The following RAB37 variants were observed in gnomAD, a reference collection of about 807,000 sequenced individuals.
RAB37 encodes RAB37, member RAS oncogene family.
In RAB37, 29 loss-of-function variants were observed where a neutral mutation model predicts 33.1. That is an observed-to-expected ratio of 0.88 (90% CI 0.65 to 1.20). The LOEUF is 1.20. Ranked by LOEUF, RAB37 falls within the 50% of genes most tolerant of loss-of-function variation. RAB37 has a pLI of 0.00. For missense variants in RAB37, 299 were observed against 301.1 expected (o/e 0.99, Z 0.05); for synonymous variants, 128 against 119.5 (o/e 1.07, Z -0.47).
At position 74,696,388 on chromosome 17, in the gene RAB37, G is replaced by A. The variant is rs34792609; in HGVS notation, c.72+24730G>A. 1.6e-3 allele frequency among the ~76,000 whole-genome samples: 243 copies of A among 152,264 alleles called. 2 individuals are homozygous for A. Among genetic ancestry groups the A allele is most frequent in the Non-Finnish European group, 1.1e-3 (75 of 68,014 alleles). On this transcript the variant is annotated intron_variant, in intron 1 of 7. Transcript: ENST00000340415. ...TCAGATGACACAGTCTGTGACATTCGTCATGTCACCTCTCTGACCTTTCAC... is the reference window on the plus strand; with the variant it reads ...TCAGATGACACAGTCTGTGACATTCATCATGTCACCTCTCTGACCTTTCAC...
At chr17:74,723,654 C>G (rs1436832874) in intron 1 of RAB37, among the ~76,000 whole-genome samples, 1 of 150,642 alleles carries the variant, frequency 6.6e-6, no homozygotes, top group Non-Finnish European at 1.5e-5. Context: ...TCTCGGCTCA[C>G]CACAACCTCT....
upstream of RAB37, chr17:74,737,049 T>C: frequency 1.2e-6 from 2 of 1,609,334 alleles, no homozygotes; most frequent in Non-Finnish European, 1.7e-6. Flanking sequence ...CGAGCCGGTG[T>C]TGCTCAGGGA....
intron 1 of RAB37, chr17:74,703,178 A>G (rs1010516785): frequency 6.4e-7 from 1 of 1,574,776 alleles, no homozygotes; most frequent in Non-Finnish European, 8.7e-7. Context: ...ACCAGATCAC[A>G]GATGCCCCTG....
chr17:74,741,852 C>T (rs1028780593), intron 2 of RAB37, among the ~76,000 whole-genome samples: 6 of 152,194 alleles, frequency 3.9e-5, no homozygotes, highest in Middle Eastern at 3.2e-3. Flanking sequence ...AGCCTCAGGT[C>T]CCCAGGATGC....
chr17:74,735,011 A>T (rs560149208), upstream of RAB37, among the ~76,000 whole-genome samples: 168 of 106,638 alleles, frequency 1.6e-3, no homozygotes, highest in African/African-American at 5.0e-3. Flanking sequence ...AAAAGAAAGG[A>T]AGGAAGGAAG....
chr17:74,722,863 C>T (rs1450644570), intron 1 of RAB37, among the ~76,000 whole-genome samples: 4 of 152,092 alleles, frequency 2.6e-5, no homozygotes, highest in Admixed American at 2.0e-4. Context: ...ATCTGAATTT[C>T]CTGTCTTGTT....
chr17:74,726,429 A>G (rs1442126327), intron 1 of RAB37, among the ~76,000 whole-genome samples: 1 of 152,108 alleles, frequency 6.6e-6, no homozygotes, highest in African/African-American at 2.4e-5. Context: ...GGAAAGGAAA[A>G]GGATAAAAGT....
At chr17:74,719,219 G>A (rs967961768) in intron 1 of RAB37, among the ~76,000 whole-genome samples, 2 of 152,196 alleles carry the variant, frequency 1.3e-5, no homozygotes, top group African/African-American at 4.8e-5. Flanking sequence ...AGGCCAAGAT[G>A]GGTGGATTAC....
chr17:74,718,427 A>T (rs2034196948), intron 1 of RAB37, among the ~76,000 whole-genome samples: 1 of 152,126 alleles, frequency 6.6e-6, no homozygotes, highest in Admixed American at 6.5e-5. Context: ...GAGAAAAAAA[A>T]AGGGCTCTTT....
rs144675318 is a variant in RAB37 at position 74,706,273 on chromosome 17, G to GAAA, written c.73-22975_73-22973dup. ...TCTAAAAATAAAAAACATTTTAAAGGAAAAAAAAAATATATATATATATAT... is the reference window on the plus strand; with the variant it reads ...TCTAAAAATAAAAAACATTTTAAAGGAAAAAAAAAAAAATATATATATATATAT... On this transcript the variant is annotated intron_variant, in intron 1 of 7. Coordinates refer to the RAB37 transcript ENST00000340415. 3.1e-4 allele frequency among the ~76,000 whole-genome samples: 42 copies of GAAA among 137,558 alleles called. 1 individual carries two copies. The highest frequency in any genetic ancestry group is 1.0e-3 in the African/African-American group (40 of 38,182). 90.2% of individuals were successfully genotyped at this position (137,558 alleles called of 152,430 possible).
rs542422427 is a variant in RAB37 at position 74,704,624 on chromosome 17, C to T, written c.73-24632C>T. On this transcript the variant is annotated intron_variant, in intron 1 of 7. Transcript: ENST00000340415. The stretch of plus-strand genomic sequence containing the variant: ...TTTCTGATTGTCCTTGATGGACACC[C>T]GGTCCCTCTTCACCTCCTGCTCTGA... 9.9e-6 allele frequency: 16 copies of T among 1,614,050 alleles called. No homozygotes were observed. The highest frequency in any genetic ancestry group is 1.6e-4 in the Middle Eastern group (1 of 6,084).
At chr17:74,717,532 G>T (rs2034180787) in intron 1 of RAB37, among the ~76,000 whole-genome samples, 1 of 152,188 alleles carries the variant, frequency 6.6e-6, no homozygotes, top group Non-Finnish European at 1.5e-5. Flanking sequence ...CAGAGGGCTG[G>T]GCGCGGTGGC....
At position 74,711,762 on chromosome 17, in the gene RAB37, C is replaced by T. The variant is rs184480883; in HGVS notation, c.73-17494C>T. Among the ~76,000 whole-genome samples, 173 of 152,270 alleles carry T rather than the reference C, an allele frequency of 1.1e-3. 1 individual carries two copies. Among genetic ancestry groups the T allele is most frequent in the Admixed American group, 2.9e-3 (45 of 15,296 alleles). On this transcript the variant is annotated intron_variant, in intron 1 of 7. Coordinates refer to the RAB37 transcript ENST00000340415. ...GGGACCCTCTTCAGGGGGGTTGTTT[C>T]AGCCCACCTGACTTACAGCATCCCC...
At chr17:74,695,751 G>A in intron 1 of RAB37, 1 of 1,614,110 alleles carries the variant, frequency 6.2e-7, no homozygotes. Context: ...ACTTCCACCT[G>A]GTCAACCTGG....
intron 1 of RAB37, chr17:74,695,066 T>TG: frequency 6.2e-7 from 1 of 1,602,698 alleles, no homozygotes. Context: ...GCTCACAGCC[T>TG]GGGGTCCAAG....
At chr17:74,678,363 C>T (rs564737486) in intron 1 of RAB37, among the ~76,000 whole-genome samples, 1 of 152,258 alleles carries the variant, frequency 6.6e-6, no homozygotes, top group East Asian at 1.9e-4. Context: ...GGGAGCAAGG[C>T]CTTGAGTGGT....
upstream of RAB37, among the ~76,000 whole-genome samples, chr17:74,735,061 G>GAAAGAA (rs1555594315): frequency 2.2e-4 from 23 of 105,684 alleles, no homozygotes; most frequent in African/African-American, 3.3e-4. Flanking sequence ...AAGAAAGAAA[G>GAAAGAA]AGAAAGAAAG....
chr17:74,744,201 G>T lies in RAB37; in HGVS notation c.367-107G>T. 9.3e-7 allele frequency: 1 copy of T among 1,071,642 alleles called. No individual in the cohort carries two copies. Among genetic ancestry groups the T allele is most frequent in the Non-Finnish European group, 1.4e-6 (1 of 723,970 alleles). The allele number at this position is 1,071,642 out of a possible 1,614,324, so 66.4% of individuals were successfully genotyped here. ...AAGGTACAGATGAGAGAACGCACAG[G>T]GTATCGTGTTCAAGGTAGTGAGTAA... On this transcript the variant is annotated intron_variant, in intron 5 of 8. Transcript: ENST00000392613. The surrounding 1 kb of genome is among the most constrained non-coding windows in gnomAD (Gnocchi z 4.2).
chr17:74,706,282 A>ATATAT (rs1555586594), intron 1 of RAB37, among the ~76,000 whole-genome samples: 26 of 145,160 alleles, frequency 1.8e-4, no homozygotes, highest in African/African-American at 6.1e-4. Flanking sequence ...GGAAAAAAAA[A>ATATAT]ATATATATAT....
Sources: allele counts gnomAD v4.1 joint callset (sites outside exome capture counted in the v4.1 genomes callset), GRCh38; gene constraint gnomAD v4.1.1; non-coding constraint Gnocchi (gnomAD v3.1); transcripts MANE v1.5; gene names NCBI Gene and HGNC (gene_info 2026-07-23, HGNC 2026-07-21).